Variants in PDIA3 observed in about 807,000 individuals in gnomAD.
PDIA3 encodes the protein protein disulfide isomerase family A member 3.
Under a neutral mutation model 56.9 loss-of-function variants are expected in PDIA3, and 16 were observed. That is an observed-to-expected ratio of 0.28 (90% CI 0.19 to 0.43). The LOEUF is 0.43. Ranked by LOEUF, PDIA3 falls within the 20% of genes least tolerant of loss-of-function variation. The probability of loss-of-function intolerance (pLI) is 1.00; values close to 1 mark genes in which losing one functional copy is unlikely to be tolerated. For synonymous variants in PDIA3, 192 were observed against 216.5 expected (o/e 0.89, Z 0.99); for missense variants, 485 against 621.3 (o/e 0.78, Z 2.33).
Position 43,753,891 on chromosome 15 carries a change from C to G in PDIA3, c.235C>G (p.Pro79Ala), listed in dbSNP as rs1242292675. 6.2e-7 allele frequency: 1 copy of G among 1,611,164 alleles called. No individual in the cohort carries two copies. The highest frequency in any genetic ancestry group is 8.5e-7 in the Non-Finnish European group (1 of 1,177,454). Residue 79 changes from proline (P) to alanine (A), a missense_variant, in exon 2 of 13, where the codon CCA becomes GCA. Coordinates refer to ENST00000300289, the MANE Select transcript of PDIA3 (RefSeq NM_005313.5). ...AAATRLKGIVPLAKVDCTANT... is the reference protein window; with the variant it reads ...AAATRLKGIVALAKVDCTANT... ...AGCTACCAGATTAAAAGGAATAGTC[C>G]CATTAGCAAAGGTAAGTACAGGTGG...
chr15:43,752,863 T>G (rs1402380372), intron 1 of PDIA3: 1 of 471,174 alleles, frequency 2.1e-6, no homozygotes, highest in Middle Eastern at 3.2e-4. Flanking sequence ...GAAAAGGTGA[T>G]GTACAGCTGG....
At chr15:43,757,866 C>T (rs2086789856) in intron 3 of PDIA3, among the ~76,000 whole-genome samples, 1 of 150,632 alleles carries the variant, frequency 6.6e-6, no homozygotes. Context: ...CATCTCCACA[C>T]ACACAAAGGT....
intron 1 of PDIA3, chr15:43,751,602 TGAAGA>T (rs2086744555): frequency 1.5e-6 from 2 of 1,304,112 alleles, no homozygotes; most frequent in Non-Finnish European, 2.0e-6. Flanking sequence ...CTGCTGGATT[TGAAGA>T]GGAGAGTCTC....
At chr15:43,768,417 C>A in intron 8 of PDIA3, 72 bp from the exon 9 acceptor site, 1 of 1,144,326 alleles carries the variant, frequency 8.7e-7, no homozygotes, top group South Asian at 1.3e-5. Context: ...AGTAACTATT[C>A]AAAGAAATTG....
chr15:43,757,892 A>G (rs890172664), intron 3 of PDIA3, among the ~76,000 whole-genome samples: 8 of 151,050 alleles, frequency 5.3e-5, no homozygotes, highest in Non-Finnish European at 1.2e-4. Flanking sequence ...TGTTATCTCC[A>G]TGTATATATG....
intron 5 of PDIA3, 108 bp downstream of exon 5, chr15:43,763,314 G>A (rs754718161): frequency 3.3e-6 from 4 of 1,217,828 alleles, no homozygotes; most frequent in African/African-American, 1.5e-5. Flanking sequence ...GTGCAGTGGT[G>A]CAATCTCTGC....
rs562280781 is a variant in PDIA3 at position 43,749,886 on chromosome 15, G to T, written c.167+3180G>T. On this transcript the variant is annotated intron_variant, in intron 1 of 12. Transcript: ENST00000300289. ...CACTTGAGCCTGGGAGGTGGAGGTTGCAGGAAGCTGAGATTGCACCATTGC... is the reference window on the plus strand; with the variant it reads ...CACTTGAGCCTGGGAGGTGGAGGTTTCAGGAAGCTGAGATTGCACCATTGC... 1.9e-3 allele frequency among the ~76,000 whole-genome samples: 292 copies of T among 152,224 alleles called. 3 individuals carry two copies. Among genetic ancestry groups the T allele is most frequent in the Non-Finnish European group, 2.8e-3 (193 of 68,014 alleles).
In PDIA3 at chr15:43,769,430, A is replaced by G. The variant is rs538758899; in HGVS notation, c.1138-88A>G. 5.5e-6 allele frequency: 7 copies of G among 1,262,936 alleles called. No individual in the cohort carries two copies. In the African/African-American group the frequency reaches 5.9e-5, roughly 11 times the overall value. The allele number at this position is 1,262,936 out of a possible 1,614,324, so 78.2% of individuals were successfully genotyped here. On this transcript the variant is annotated intron_variant, in intron 9 of 12. Coordinates refer to ENST00000300289, the MANE Select transcript of PDIA3 (RefSeq NM_005313.5). ...ACTTATTTTCTGTGGTAACACATCA[A>G]ATTAGAGAGGGATTGGGTCTAGGAA...
chr15:43,761,220 C>G (rs570341237), intron 3 of PDIA3, among the ~76,000 whole-genome samples: 1 of 133,456 alleles, frequency 7.5e-6, no homozygotes, highest in African/African-American at 2.8e-5. Context: ...CCAGCCTGGG[C>G]GACAGAGCGA....
chr15:43,752,839 AC>A (rs2086753586), intron 1 of PDIA3: 1 of 470,934 alleles, frequency 2.1e-6, no homozygotes, highest in Admixed American at 2.4e-5. Context: ...TCCCTCTGCA[AC>A]CCTTTGGCTT....
At chr15:43,770,218 A>T in intron 10 of PDIA3, 32 bp from the exon 11 acceptor site, 1 of 1,558,428 alleles carries the variant, frequency 6.4e-7, no homozygotes, top group Non-Finnish European at 8.8e-7. Flanking sequence ...TGAAAACTTG[A>T]AATGTAAACA....
At chr15:43,764,537 G>A (rs4924722) in intron 5 of PDIA3, among the ~76,000 whole-genome samples, 88,032 of 151,902 alleles carry the variant, frequency 0.58, 29,264 homozygotes, top group Non-Finnish European at 0.73. Context: ...GTGCGATCTC[G>A]GCTCACTACA....
At chr15:43,755,946 C>T (rs2086776198) in intron 2 of PDIA3, among the ~76,000 whole-genome samples, 2 of 152,002 alleles carry the variant, frequency 1.3e-5, no homozygotes, top group African/African-American at 4.8e-5. Flanking sequence ...ATCACAATTC[C>T]TACCTGTGTG....
chr15:43,769,932 C>T (rs1360729836), intron 10 of PDIA3, among the ~76,000 whole-genome samples: 2 of 152,148 alleles, frequency 1.3e-5, no homozygotes, highest in African/African-American at 4.8e-5. Context: ...CCATATGGTC[C>T]TTCATCTTAA....
intron 1 of PDIA3, among the ~76,000 whole-genome samples, chr15:43,752,369 T>G (rs1428914732): frequency 6.6e-6 from 1 of 152,220 alleles, no homozygotes; most frequent in Non-Finnish European, 1.5e-5. Flanking sequence ...AAGATACCAC[T>G]GATTGTGAGA....
At position 43,771,390 on chromosome 15, in the gene PDIA3, T is replaced by A; in HGVS notation, c.*172T>A. 2 of 453,164 alleles carry A rather than the reference T, an allele frequency of 4.4e-6. No individual in the cohort carries two copies. Among genetic ancestry groups the A allele is most frequent in the East Asian group, 6.6e-5 (2 of 30,220 alleles). The allele number at this position is 453,164 out of a possible 1,614,324, so 28.1% of individuals were successfully genotyped here. A position where few individuals can be genotyped will look rare whatever the true frequency, so the allele number is the denominator to read the frequency against. On this transcript the variant is annotated 3_prime_UTR_variant, in exon 13 of 13. Transcript: ENST00000300289. ...CTAAACTGTTTCTTAGCTGCACTGTTTATGGAAATACCAGGACCAGTTTAT... is the reference window on the plus strand; with the variant it reads ...CTAAACTGTTTCTTAGCTGCACTGTATATGGAAATACCAGGACCAGTTTAT...
At chr15:43,757,116 G>C (rs1373473466) in intron 3 of PDIA3, among the ~76,000 whole-genome samples, 1 of 152,160 alleles carries the variant, frequency 6.6e-6, no homozygotes, top group Non-Finnish European at 1.5e-5. Context: ...GGGGGATGAG[G>C]GGGAGAAGGC....
At chr15:43,756,804 AG>A in intron 3 of PDIA3, 38 bp downstream of exon 3, 1 of 1,087,674 alleles carries the variant, frequency 9.2e-7, no homozygotes, top group Non-Finnish European at 1.4e-6. Context: ...ACTGATGTTA[AG>A]TACCTTATTC....
chr15:43,771,622 AAT>A lies in PDIA3; in HGVS notation c.*405_*406del. 2.4e-6 allele frequency: 1 copy of A among 409,780 alleles called. No individual in the cohort carries two copies. Among genetic ancestry groups the A allele is most frequent in the Non-Finnish European group, 4.3e-6 (1 of 233,164 alleles). 25.4% of individuals were successfully genotyped at this position (409,780 alleles called of 1,614,324 possible). A position where few individuals can be genotyped will look rare whatever the true frequency, so the allele number is the denominator to read the frequency against. On this transcript the variant is annotated 3_prime_UTR_variant, in exon 13 of 13. Coordinates refer to ENST00000300289, the MANE Select transcript of PDIA3 (RefSeq NM_005313.5). ...CAATAGAGCTTTCTTCAGTGATGGA[AAT>A]GCTCTGTAATCTACACTGTTCAGTA...
Sources: gnomAD v4.1 joint callset for allele counts (sites outside exome capture counted in the v4.1 genomes callset) on GRCh38, gnomAD v4.1.1 for gene constraint, MANE v1.5 for transcripts, NCBI Gene and HGNC (gene_info 2026-07-23, HGNC 2026-07-21) for gene names.